PTN: variants seen among roughly 807,000 people sequenced by gnomAD.
The protein encoded by PTN is heparin affin regulatory protein.
A neutral mutation model predicts 24.1 loss-of-function variants in PTN; 18 were observed. The observed-to-expected ratio is 0.75, with a 90% confidence interval of 0.52 to 1.11. The LOEUF (loss-of-function observed/expected upper bound fraction) is 1.11, where lower values mean the gene tolerates loss of function less well. PTN is among the 50% of genes least tolerant of loss of function. The pLI, the probability that PTN is intolerant of heterozygous loss-of-function variation, is 0.00. For missense variants in PTN, 163 were observed against 198.8 expected, an observed-to-expected ratio of 0.82 and a Z score of 1.08; for synonymous variants, 78 against 68.6, an observed-to-expected ratio of 1.14 and a Z score of -0.67.
intron 1 of PTN, among the ~76,000 whole-genome samples, chr7:137,321,221 T>TA (rs1810158238): frequency 6.6e-6 from 1 of 152,206 alleles, no homozygotes; most frequent in Non-Finnish European, 1.5e-5. Flanking sequence ...CTCTGAACTC[T>TA]GAGGTTAATA....
At chr7:137,269,306 C>G (rs986805152) in intron 1 of PTN, among the ~76,000 whole-genome samples, 1 of 152,118 alleles carries the variant, frequency 6.6e-6, no homozygotes, top group African/African-American at 2.4e-5. Flanking sequence ...ATTTTGTTCA[C>G]GCAGTTTATC....
At chr7:137,284,869 C>T (rs977100085) in intron 1 of PTN, among the ~76,000 whole-genome samples, 6 of 151,990 alleles carry the variant, frequency 3.9e-5, no homozygotes, top group Non-Finnish European at 7.4e-5. Flanking sequence ...CATTGGTGAG[C>T]GAATCAATAT....
At chr7:137,272,456 C>G (rs1447449932) in intron 1 of PTN, among the ~76,000 whole-genome samples, 1 of 152,214 alleles carries the variant, frequency 6.6e-6, no homozygotes, top group Non-Finnish European at 1.5e-5. Flanking sequence ...TCAACAAAGC[C>G]TTTGCCAAGA....
intron 4 of PTN, among the ~76,000 whole-genome samples, chr7:137,245,476 A>C (rs1381584870): frequency 6.6e-6 from 1 of 152,234 alleles, no homozygotes; most frequent in African/African-American, 2.4e-5. Context: ...TGCTAGTCTT[A>C]TAAAAGTGTA....
intron 1 of PTN, among the ~76,000 whole-genome samples, chr7:137,287,110 T>C (rs537304623): frequency 6.6e-6 from 1 of 152,314 alleles, no homozygotes; most frequent in East Asian, 1.9e-4. Flanking sequence ...CTATCCCATT[T>C]CATAGACTGA....
chr7:137,329,139 G>A (rs1810309404), intron 1 of PTN, among the ~76,000 whole-genome samples: 2 of 152,080 alleles, frequency 1.3e-5, no homozygotes, highest in African/African-American at 2.4e-5. Context: ...TACCCCATAG[G>A]GCTGTTGGGA....
chr7:137,318,754 C>G lies in PTN; in HGVS notation c.-2+24685G>C, dbSNP rs1007679857. On this transcript the variant is annotated intron_variant, in intron 1 of 4. Coordinates refer to ENST00000348225, the MANE Select transcript of PTN (RefSeq NM_002825.7). ...CAGACAACCTAAGTTCAAATCTAGC[C>G]TTTGCTAATTACTGGCTGAAATCAT... 9.2e-5 allele frequency: 14 copies of G among 152,220 alleles called. No homozygotes were observed. In the East Asian group the frequency reaches 2.3e-3, roughly 25 times the overall value. 9.4% of individuals were successfully genotyped at this position (152,220 alleles called of 1,614,324 possible). A position where few individuals can be genotyped will look rare whatever the true frequency, so the allele number is the denominator to read the frequency against.
chr7:137,316,916 G>A (rs1407596377), intron 1 of PTN, among the ~76,000 whole-genome samples: 1 of 152,126 alleles, frequency 6.6e-6, no homozygotes. Flanking sequence ...GCCACCCCTC[G>A]GTGCTGGAGT....
intron 4 of PTN, among the ~76,000 whole-genome samples, chr7:137,250,779 G>A (rs1391835714): frequency 3.3e-5 from 5 of 152,164 alleles, no homozygotes; most frequent in Non-Finnish European, 4.4e-5. Flanking sequence ...AACCCATTAA[G>A]TTATGCAGTG....
intron 1 of PTN, among the ~76,000 whole-genome samples, chr7:137,266,625 C>CT (rs924471619): frequency 2.7e-5 from 4 of 150,052 alleles, no homozygotes; most frequent in Admixed American, 6.6e-5. Flanking sequence ...TCTGCCTCCC[C>CT]TTTTTTTTCC....
At chr7:137,256,241 G>A (rs1489503000) in intron 1 of PTN, among the ~76,000 whole-genome samples, 5 of 151,994 alleles carry the variant, frequency 3.3e-5, no homozygotes, top group Non-Finnish European at 7.4e-5. Flanking sequence ...AGAATGTGCA[G>A]GTTTGTTACA....
At chr7:137,242,066 CT>C (rs1300333428) in intron 4 of PTN, among the ~76,000 whole-genome samples, 6 of 152,156 alleles carry the variant, frequency 3.9e-5, no homozygotes, top group Non-Finnish European at 8.8e-5. Context: ...GGGGGAACTT[CT>C]TTTATCTTTA....
At chr7:137,303,744 T>G (rs1781904222) in intron 1 of PTN, among the ~76,000 whole-genome samples, 1 of 152,024 alleles carries the variant, frequency 6.6e-6, no homozygotes, top group African/African-American at 2.4e-5. Context: ...ACAAATTTAA[T>G]TCGTTGACTA....
intron 4 of PTN, among the ~76,000 whole-genome samples, chr7:137,229,110 G>A (rs1275324317): frequency 2.6e-5 from 4 of 151,594 alleles, no homozygotes; most frequent in South Asian, 2.1e-4. Context: ...GTAAGCATAC[G>A]GTTTATATCC....
At chr7:137,251,627 T>C (rs1808829216) in intron 3 of PTN, among the ~76,000 whole-genome samples, 1 of 149,052 alleles carries the variant, frequency 6.7e-6, no homozygotes, top group South Asian at 2.1e-4. Context: ...TAATATACAC[T>C]ATTAATATAC....
At chr7:137,276,952 A>C (rs1809370629) in intron 1 of PTN, among the ~76,000 whole-genome samples, 1 of 152,250 alleles carries the variant, frequency 6.6e-6, no homozygotes, top group African/African-American at 2.4e-5. Context: ...AAAAACTACC[A>C]GAATTGATAA....
chr7:137,257,401 C>A (rs144071926), intron 1 of PTN, among the ~76,000 whole-genome samples: 47 of 152,300 alleles, frequency 3.1e-4, no homozygotes, highest in African/African-American at 8.9e-4. Context: ...GCTTTTCCTG[C>A]GCTTTTAATT....
intron 1 of PTN, among the ~76,000 whole-genome samples, chr7:137,335,457 T>A (rs1349891013): frequency 6.6e-6 from 1 of 152,200 alleles, no homozygotes; most frequent in African/African-American, 2.4e-5. Context: ...GTCACAAAGA[T>A]GTAAGTTTTA....
At chr7:137,232,892 T>C (rs1295945032) in intron 4 of PTN, among the ~76,000 whole-genome samples, 1 of 151,944 alleles carries the variant, frequency 6.6e-6, no homozygotes, top group African/African-American at 2.4e-5. Flanking sequence ...TTCATTCTCT[T>C]TCCTGCCACC....
Sources: allele counts gnomAD v4.1 joint callset (sites outside exome capture counted in the v4.1 genomes callset), GRCh38; gene constraint gnomAD v4.1.1; transcripts MANE v1.5; gene names NCBI Gene and HGNC (gene_info 2026-07-23, HGNC 2026-07-21).